The following ESRRB variants were observed in gnomAD, a reference collection of about 807,000 sequenced individuals.
ESRRB encodes the protein estrogen related receptor beta, also known as steroid hormone receptor ERR2.
A neutral mutation model predicts 46.0 loss-of-function variants in ESRRB; 16 were observed. The observed-to-expected ratio is 0.35, with a 90% confidence interval of 0.24 to 0.53. The LOEUF is 0.53. ESRRB is among the 20% of genes least tolerant of loss of function. The pLI is 0.93. For synonymous variants in ESRRB, 246 were observed against 259.6 expected, an observed-to-expected ratio of 0.95 and a Z score of 0.50; for missense variants, 488 against 607.4, an observed-to-expected ratio of 0.80 and a Z score of 2.07.
At chr14:76,342,150 G>A (rs748045779) in intron 1 of ESRRB, among the ~76,000 whole-genome samples, 4 of 152,162 alleles carry the variant, frequency 2.6e-5, no homozygotes, top group Non-Finnish European at 4.4e-5. Context: ...GGGCAACGGG[G>A]CTAACACACA....
chr14:76,450,771 C>T (rs958879188), intron 2 of ESRRB, among the ~76,000 whole-genome samples: 2 of 152,110 alleles, frequency 1.3e-5, no homozygotes, highest in Admixed American at 6.6e-5. Flanking sequence ...GGTGCAGAGA[C>T]AAGAGCAGGA....
chr14:76,437,627 A>T (rs893891076), intron 1 of ESRRB, among the ~76,000 whole-genome samples: 1 of 152,032 alleles, frequency 6.6e-6, no homozygotes, highest in Non-Finnish European at 1.5e-5. Flanking sequence ...CTCTACCTCC[A>T]TAGGGGGAGG....
At chr14:76,438,373 A>G (rs1265210318) in intron 1 of ESRRB, among the ~76,000 whole-genome samples, 4 of 152,188 alleles carry the variant, frequency 2.6e-5, no homozygotes, top group African/African-American at 9.7e-5. Context: ...GTTACATTGT[A>G]GCCATTGGCT....
intron 1 of ESRRB, among the ~76,000 whole-genome samples, chr14:76,399,628 G>C (rs1475555012): frequency 1.3e-5 from 2 of 152,204 alleles, no homozygotes; most frequent in Non-Finnish European, 2.9e-5. Context: ...GCTGAGCAAA[G>C]AGATTTTTGA....
chr14:76,439,980 T>G (rs1413898766), intron 2 of ESRRB, among the ~76,000 whole-genome samples: 1 of 151,944 alleles, frequency 6.6e-6, no homozygotes, highest in Non-Finnish European at 1.5e-5. Context: ...AGCTCCCCCA[T>G]GCACAGCCCC....
At chr14:76,457,022 C>T (rs1329877787) in intron 2 of ESRRB, among the ~76,000 whole-genome samples, 5 of 152,132 alleles carry the variant, frequency 3.3e-5, no homozygotes, top group African/African-American at 4.8e-5. Context: ...GCTATTTGTC[C>T]GAGCTTAGCA....
rs61744548 is a variant in ESRRB at position 76,439,494 on chromosome 14, G to C, written c.204G>C (p.Leu68=). The C allele has an allele frequency of 3.2e-3, 5,101 of 1,612,540 alleles. 144 individuals are homozygous for C. The African/African-American group carries it at 0.061, about 19-fold the overall frequency. ...GSSDASGGFG[L]ALGTHANGLD... ...CCGACGCCAGCGGCGGCTTTGGCCT[G>C]GCCCTGGGCACCCACGCCAACGGTC... The change falls in exon 2 of 7, where the codon CTG becomes CTC. Residue 68 remains leucine, a synonymous_variant. Coordinates refer to ENST00000644823, the MANE Select transcript of ESRRB (RefSeq NM_001379180.1).
At chr14:76,330,981 C>G (rs1488026378) in intron 1 of ESRRB, among the ~76,000 whole-genome samples, 1 of 152,098 alleles carries the variant, frequency 6.6e-6, no homozygotes, top group African/African-American at 2.4e-5. Flanking sequence ...TTGCCCTGCC[C>G]TGGAGAGATG....
intron 3 of ESRRB, among the ~76,000 whole-genome samples, chr14:76,479,847 A>G (rs780813595): frequency 6.6e-6 from 1 of 152,150 alleles, no homozygotes; most frequent in East Asian, 1.9e-4. Flanking sequence ...CAGTTTCCGT[A>G]TTCCCAATAG....
At chr14:76,462,748 GACCT>G in intron 3 of ESRRB, 87 bp downstream of exon 3, 1 of 1,019,944 alleles carries the variant, frequency 9.8e-7, no homozygotes. Flanking sequence ...ACAAGCTGTG[GACCT>G]GTGTCCCAGG....
intron 1 of ESRRB, among the ~76,000 whole-genome samples, chr14:76,419,460 G>T (rs1040401839): frequency 6.6e-6 from 1 of 152,090 alleles, no homozygotes; most frequent in Admixed American, 6.5e-5. Flanking sequence ...TTATCCTGGG[G>T]GTGAGAATAT....
At chr14:76,442,096 C>A (rs1647046251) in intron 2 of ESRRB, among the ~76,000 whole-genome samples, 1 of 152,226 alleles carries the variant, frequency 6.6e-6, no homozygotes. Context: ...ATCAGGGCTC[C>A]TGGTCAGAGA....
chr14:76,331,995 A>AT (rs892687422), intron 1 of ESRRB, among the ~76,000 whole-genome samples: 92 of 151,982 alleles, frequency 6.1e-4, no homozygotes, highest in African/African-American at 2.2e-3. Context: ...TAAGAAAACC[A>AT]TGGAGCCAGC....
intron 1 of ESRRB, among the ~76,000 whole-genome samples, chr14:76,321,721 C>T (rs1312664197): frequency 2.0e-5 from 3 of 152,070 alleles, no homozygotes; most frequent in Non-Finnish European, 4.4e-5. Flanking sequence ...AAACTTCCTA[C>T]AGTTTATCTC....
intron 1 of ESRRB, among the ~76,000 whole-genome samples, chr14:76,433,316 A>G (rs1887533336): frequency 6.6e-6 from 1 of 152,134 alleles, no homozygotes; most frequent in Non-Finnish European, 1.5e-5. Flanking sequence ...AATATTTAAC[A>G]TCGGGTAGCC....
At chr14:76,490,019 C>G (rs915301418) in intron 5 of ESRRB, among the ~76,000 whole-genome samples, 3 of 152,220 alleles carry the variant, frequency 2.0e-5, no homozygotes, top group Non-Finnish European at 4.4e-5. Context: ...CTTTTCGCCC[C>G]CACAGCACCC....
At chr14:76,488,930 G>T (rs992477113) in intron 5 of ESRRB, among the ~76,000 whole-genome samples, 1 of 152,148 alleles carries the variant, frequency 6.6e-6, no homozygotes, top group Non-Finnish European at 1.5e-5. Flanking sequence ...GTAAACCGTT[G>T]AAGGCAGGGA....
Position 76,491,530 on chromosome 14 carries a change from C to T in ESRRB, c.934C>T (p.Arg312Cys), listed in dbSNP as rs1276962033. The T allele has an allele frequency of 5.0e-6, 8 of 1,599,066 alleles. No homozygotes were observed. The highest frequency in any genetic ancestry group is 1.8e-4 in the Middle Eastern group (1 of 5,516). Residue 312 changes from arginine (R) to cysteine (C), a missense_variant, in exon 6 of 7, where the codon CGC becomes TGC. By Grantham distance (180) the Arg-to-Cys change is radical (BLOSUM62 -3). Coordinates refer to ENST00000644823, the MANE Select transcript of ESRRB (RefSeq NM_001379180.1). ...MEILILGIVY[R>C]SLPYDDKLVY... ...AATCCTCATCCTGGGCATCGTGTAC[C>T]GCTCGCTGCCCTATGACGACAAGCT...
Position 76,498,199 on chromosome 14 carries a change from T to A in ESRRB, c.1121-15T>A, listed in dbSNP as rs1455129027. On this transcript the variant is annotated splice_polypyrimidine_tract_variant and intron_variant, in intron 6 of 6. Coordinates refer to ENST00000644823, the MANE Select transcript of ESRRB (RefSeq NM_001379180.1). ...CCCTGGCCAAGCCTGCTAATGCTCG[T>A]CCTTGTGCCTGCAGATTCCATGTAC... 1.9e-6 allele frequency: 3 copies of A among 1,613,444 alleles called. No homozygotes were observed. The African/African-American group carries it at 4.0e-5, about 22-fold the overall frequency.
Sources: allele counts gnomAD v4.1 joint callset (sites outside exome capture counted in the v4.1 genomes callset), GRCh38; gene constraint gnomAD v4.1.1; transcripts MANE v1.5; gene names NCBI Gene and HGNC (gene_info 2026-07-23, HGNC 2026-07-21).